Variants in SLIT2 observed in about 807,000 individuals in gnomAD.
SLIT2 encodes the protein slit guidance ligand 2, also known as slit homolog 2 protein.
Under a neutral mutation model 185.7 loss-of-function variants are expected in SLIT2, and 41 were observed. That is an observed-to-expected ratio of 0.22 (90% CI 0.17 to 0.29). The LOEUF (loss-of-function observed/expected upper bound fraction) is 0.29. SLIT2 is among the 10% of genes least tolerant of loss of function. The pLI, the probability that SLIT2 is intolerant of heterozygous loss-of-function variation, is 1.00. For missense variants in SLIT2, 1,571 were observed against 1,909.0 expected (o/e 0.82, Z 3.30); for synonymous variants, 693 against 680.2 (o/e 1.02, Z -0.29).
At chr4:20,263,638 A>G (rs1400588393) in intron 3 of SLIT2, among the ~76,000 whole-genome samples, 2 of 151,914 alleles carry the variant, frequency 1.3e-5, no homozygotes, top group East Asian at 1.9e-4. Context: ...AAAGAGTGAT[A>G]TCAGAAAATC....
chr4:20,360,852 A>G (rs1042742569), intron 4 of SLIT2, among the ~76,000 whole-genome samples: 1 of 152,138 alleles, frequency 6.6e-6, no homozygotes, highest in Non-Finnish European at 1.5e-5. Flanking sequence ...CTGTATCCAC[A>G]TTACATGTAT....
At position 20,529,231 on chromosome 4, in the gene SLIT2, T is replaced by G. The variant is rs537163733; in HGVS notation, c.1613+132T>G. The G allele has an allele frequency of 1.9e-5, 12 of 620,598 alleles. No homozygotes were observed. The African/African-American group carries it at 2.2e-4, about 11-fold the overall frequency. 38.4% of individuals were successfully genotyped at this position (620,598 alleles called of 1,614,324 possible). A position where few individuals can be genotyped will look rare whatever the true frequency, so the allele number is the denominator to read the frequency against. On this transcript the variant is annotated intron_variant, in intron 16 of 36. Transcript: ENST00000504154. The stretch of plus-strand genomic sequence containing the variant: ...TTAATTAATATGCATTACATTGGCA[T>G]AACTCTATTTTGTACAAGAATATAT...
At chr4:20,584,319 A>G (rs556051829) in intron 29 of SLIT2, among the ~76,000 whole-genome samples, 1 of 152,284 alleles carries the variant, frequency 6.6e-6, no homozygotes, top group Non-Finnish European at 1.5e-5. Context: ...CCCAATAAGA[A>G]CAGTTACTTC....
intron 4 of SLIT2, among the ~76,000 whole-genome samples, chr4:20,442,561 T>C (rs565478641): frequency 1.3e-5 from 2 of 148,630 alleles, no homozygotes; most frequent in Non-Finnish European, 3.0e-5. Context: ...GAGGGACCGA[T>C]TTTATGAAGG....
chr4:20,283,120 G>GCGCACACACACACACACACA (rs143964894), intron 4 of SLIT2, among the ~76,000 whole-genome samples: 8 of 149,850 alleles, frequency 5.3e-5, no homozygotes, highest in African/African-American at 2.0e-4. Flanking sequence ...GTGCGCGCGC[G>GCGCACACACACACACACACA]CACACACACA....
chr4:20,383,114 T>G (rs1724660355), intron 4 of SLIT2, among the ~76,000 whole-genome samples: 1 of 152,182 alleles, frequency 6.6e-6, no homozygotes, highest in Admixed American at 6.5e-5. Context: ...TAAACCTTGA[T>G]TCTAATGTCA....
At position 20,324,276 on chromosome 4, in the gene SLIT2, T is replaced by G. The variant is rs1263131224; in HGVS notation, c.395+55395T>G. On this transcript the variant is annotated intron_variant, in intron 4 of 36. Transcript: ENST00000504154. ...GCATTGAGACAATGTATTGGTGAGG[T>G]GCTGATGTTGTATTGGTGAGGTGCT... 3.3e-5 allele frequency among the ~76,000 whole-genome samples: 5 copies of G among 151,434 alleles called. No homozygotes were observed. In the South Asian group the frequency reaches 6.4e-4, roughly 19 times the overall value.
chr4:20,326,330 T>C (rs1719582656), intron 4 of SLIT2, among the ~76,000 whole-genome samples: 2 of 152,074 alleles, frequency 1.3e-5, no homozygotes, highest in African/African-American at 4.8e-5. Flanking sequence ...CCATGTCTCT[T>C]TTACACAAGA....
At chr4:20,311,763 T>C (rs1410797306) in intron 4 of SLIT2, among the ~76,000 whole-genome samples, 2 of 152,222 alleles carry the variant, frequency 1.3e-5, no homozygotes, top group African/African-American at 4.8e-5. Context: ...AAAATTAATT[T>C]AATTTTGTTT....
intron 21 of SLIT2, among the ~76,000 whole-genome samples, chr4:20,544,572 CT>C (rs778521543): frequency 3.9e-4 from 60 of 152,176 alleles, no homozygotes; most frequent in Non-Finnish European, 7.1e-4. Context: ...GTTTTACCCC[CT>C]GGAGAGCTTA....
chr4:20,544,983 C>T (rs1349940548), intron 21 of SLIT2, among the ~76,000 whole-genome samples: 1 of 152,122 alleles, frequency 6.6e-6, no homozygotes. Context: ...TGAGTCATAA[C>T]ATAGACCCAA....
chr4:20,336,425 G>C (rs574142765), intron 4 of SLIT2, among the ~76,000 whole-genome samples: 2 of 152,116 alleles, frequency 1.3e-5, no homozygotes, highest in Non-Finnish European at 1.5e-5. Flanking sequence ...GCAAACTATC[G>C]CAAGAACAGA....
At chr4:20,604,797 G>T (rs531452326) in intron 33 of SLIT2, among the ~76,000 whole-genome samples, 7 of 151,516 alleles carry the variant, frequency 4.6e-5, no homozygotes, top group Non-Finnish European at 8.8e-5. Flanking sequence ...TTGGGTTCCA[G>T]TTCCTATTCC....
intron 26 of SLIT2, among the ~76,000 whole-genome samples, chr4:20,557,540 A>G (rs955233967): frequency 1.3e-5 from 2 of 151,700 alleles, no homozygotes; most frequent in Non-Finnish European, 2.9e-5. Flanking sequence ...GATTTGTTTC[A>G]TAATATTACT....
At chr4:20,518,807 T>C (rs1191178260) in intron 11 of SLIT2, among the ~76,000 whole-genome samples, 3 of 145,774 alleles carry the variant, frequency 2.1e-5, no homozygotes, top group East Asian at 4.1e-4. Flanking sequence ...GGGGTTTCAC[T>C]GTGTTAGCCA....
At chr4:20,518,498 G>A (rs1455224957) in intron 11 of SLIT2, among the ~76,000 whole-genome samples, 8 of 104,006 alleles carry the variant, frequency 7.7e-5, no homozygotes, top group East Asian at 3.1e-4. Context: ...GTGATCCGCC[G>A]GCCTCGGCCT....
chr4:20,466,737 G>A (rs1714396025), intron 4 of SLIT2, among the ~76,000 whole-genome samples: 1 of 152,040 alleles, frequency 6.6e-6, no homozygotes, highest in Non-Finnish European at 1.5e-5. Context: ...AAATGGCTCT[G>A]TTTTCATCTG....
chr4:20,332,417 C>T (rs577164654), intron 4 of SLIT2, among the ~76,000 whole-genome samples: 31 of 152,144 alleles, frequency 2.0e-4, no homozygotes, highest in East Asian at 9.7e-4. Context: ...CAAGTTAAAA[C>T]GAAATAAAGG....
chr4:20,514,577 G>A (rs1001517443), intron 11 of SLIT2, among the ~76,000 whole-genome samples: 1 of 152,058 alleles, frequency 6.6e-6, no homozygotes, highest in African/African-American at 2.4e-5. Context: ...CCCGGGAGAC[G>A]AATGTTGTAG....
Sources: gnomAD v4.1 joint callset for allele counts (sites outside exome capture counted in the v4.1 genomes callset) on GRCh38, gnomAD v4.1.1 for gene constraint, MANE v1.5 for transcripts, NCBI Gene and HGNC (gene_info 2026-07-23, HGNC 2026-07-21) for gene names.